TENM2: variants seen among roughly 807,000 people sequenced by gnomAD.
The protein encoded by TENM2 is teneurin-2.
A neutral mutation model predicts 245.2 loss-of-function variants in TENM2; 52 were observed. The observed-to-expected ratio is 0.21, with a 90% CI of 0.17 to 0.27. TENM2 has a LOEUF of 0.27. Ranked by LOEUF, TENM2 falls within the 10% of genes least tolerant of loss-of-function variation. The pLI, the probability that TENM2 is intolerant of heterozygous loss-of-function variation, is 1.00. For missense variants in TENM2, 3,046 were observed against 3,666.8 expected (o/e 0.83, Z 4.37); for synonymous variants, 1,363 against 1,438.9 (o/e 0.95, Z 1.19).
the TENM2 span, among the ~76,000 whole-genome samples, chr5:167,014,216 A>G: frequency 2.7e-4 from 41 of 149,570 alleles, no homozygotes; most frequent in East Asian, 8.1e-3. Context: ...AAAGTTTCAT[A>G]GTGTCAAAGA....
chr5:167,404,223 C>T (rs1762510578), intron 2 of TENM2, among the ~76,000 whole-genome samples: 3 of 121,616 alleles, frequency 2.5e-5, no homozygotes, highest in African/African-American at 7.8e-5. Context: ...CAGAGAGAGG[C>T]ACTGGAGGTG....
At chr5:167,922,324 C>T (rs1777433988) in intron 3 of TENM2, among the ~76,000 whole-genome samples, 1 of 152,174 alleles carries the variant, frequency 6.6e-6, no homozygotes, top group Non-Finnish European at 1.5e-5. Context: ...TCATCAGTAG[C>T]TGGGTCTTGA....
At chr5:167,011,482 G>C in the TENM2 span, among the ~76,000 whole-genome samples, 1 of 152,224 alleles carries the variant, frequency 6.6e-6, no homozygotes, top group African/African-American at 2.4e-5. Context: ...CTTTGAGTTT[G>C]CAAAAGGAGA....
In TENM2 at chr5:167,489,304, C is replaced by T. The variant is rs554568600; in HGVS notation, c.502+113831C>T. On this transcript the variant is annotated intron_variant, in intron 2 of 28. Transcript: ENST00000518659. Reference sequence around the variant, plus strand: ...CTCTACTGACCTTTCACTCTTCTTTCCCATTCCTTCTGTGATGTAGTATAC... The same window carrying T: ...CTCTACTGACCTTTCACTCTTCTTTTCCATTCCTTCTGTGATGTAGTATAC... Among the ~76,000 whole-genome samples the T allele has an allele frequency of 9.9e-5, 15 of 152,268 alleles. No homozygotes were observed. The South Asian group carries it at 3.1e-3, about 32-fold the overall frequency.
At chr5:167,959,166 G>A (rs1261037545) in intron 4 of TENM2, among the ~76,000 whole-genome samples, 1 of 151,210 alleles carries the variant, frequency 6.6e-6, no homozygotes, top group Non-Finnish European at 1.5e-5. Context: ...TTTCTTGGAG[G>A]CTTAGTTCAT....
upstream of TENM2, among the ~76,000 whole-genome samples, chr5:167,283,517 C>G (rs1771172656): frequency 2.6e-5 from 4 of 152,312 alleles, no homozygotes; most frequent in South Asian, 8.3e-4. Flanking sequence ...AGGCAAATGT[C>G]ATCCACATTG....
chr5:167,553,385 C>T (rs1334353024), intron 2 of TENM2, among the ~76,000 whole-genome samples: 9 of 152,104 alleles, frequency 5.9e-5, no homozygotes, highest in East Asian at 1.9e-4. Context: ...CAGTAAATAG[C>T]GCTGATTTAT....
At chr5:167,061,091 A>AACACACAC in the TENM2 span, among the ~76,000 whole-genome samples, 3 of 149,648 alleles carry the variant, frequency 2.0e-5, no homozygotes, top group South Asian at 2.1e-4. Flanking sequence ...CTCTCTCCAA[A>AACACACAC]ACACACACAC....
At chr5:167,974,657 A>G (rs1004135610) in intron 4 of TENM2, among the ~76,000 whole-genome samples, 1 of 152,194 alleles carries the variant, frequency 6.6e-6, no homozygotes, top group African/African-American at 2.4e-5. Context: ...TCATATGAGG[A>G]AACGAAGATG....
intron 3 of TENM2, among the ~76,000 whole-genome samples, chr5:167,939,622 A>T (rs1370189576): frequency 6.6e-6 from 1 of 152,236 alleles, no homozygotes; most frequent in Admixed American, 6.5e-5. Context: ...AGAAGGGAGC[A>T]ACCATAAAAC....
the TENM2 span, among the ~76,000 whole-genome samples, chr5:167,164,535 G>T: frequency 1.3e-5 from 2 of 152,174 alleles, no homozygotes; most frequent in African/African-American, 4.8e-5. Context: ...TTAGGAATAT[G>T]AGGGTAAGCA....
At chr5:168,179,713 TACC>T (rs1435026458) in intron 13 of TENM2, among the ~76,000 whole-genome samples, 21 of 152,210 alleles carry the variant, frequency 1.4e-4, no homozygotes, top group Admixed American at 1.4e-3. Flanking sequence ...AACCCAGTCC[TACC>T]ACTTAAAAAC....
At chr5:167,247,822 T>G in the TENM2 span, among the ~76,000 whole-genome samples, 2 of 152,160 alleles carry the variant, frequency 1.3e-5, no homozygotes, top group Admixed American at 1.3e-4. Context: ...GAACCTCTAA[T>G]GGATTTTTTT....
chr5:167,153,781 C>T, the TENM2 span, among the ~76,000 whole-genome samples: 3 of 151,320 alleles, frequency 2.0e-5, no homozygotes, highest in South Asian at 2.1e-4. Context: ...TTTAACCTTC[C>T]CAGTTAATAA....
chr5:167,253,389 C>G, the TENM2 span, among the ~76,000 whole-genome samples: 1 of 151,800 alleles, frequency 6.6e-6, no homozygotes, highest in Admixed American at 6.6e-5. Flanking sequence ...AGAGCCACTG[C>G]CCCTGACTTG....
At chr5:168,250,104 G>GTGGA (rs57452450) in intron 27 of TENM2, among the ~76,000 whole-genome samples, 464 of 137,866 alleles carry the variant, frequency 3.4e-3, no homozygotes, top group Admixed American at 4.6e-3. Flanking sequence ...GGCTGGATGA[G>GTGGA]TGGATGGATG....
At chr5:168,151,901 G>C (rs755486336) in intron 12 of TENM2, among the ~76,000 whole-genome samples, 2 of 152,200 alleles carry the variant, frequency 1.3e-5, no homozygotes, top group African/African-American at 2.4e-5. Context: ...TTTCAATGAT[G>C]ACCAATGATT....
At chr5:168,085,293 TG>T (rs1166030084) in intron 7 of TENM2, 3 of 152,222 alleles carry the variant, frequency 2.0e-5, no homozygotes, top group Non-Finnish European at 4.4e-5. Context: ...ATTCCACCCT[TG>T]TAAGATAAAT....
chr5:167,151,346 G>A, the TENM2 span, among the ~76,000 whole-genome samples: 2 of 152,102 alleles, frequency 1.3e-5, no homozygotes, highest in African/African-American at 4.8e-5. Context: ...GAAATCACTA[G>A]CTGGCCATGG....
Sources: gnomAD v4.1 joint callset for allele counts (sites outside exome capture counted in the v4.1 genomes callset) on GRCh38, gnomAD v4.1.1 for gene constraint, MANE v1.5 for transcripts, NCBI Gene and HGNC (gene_info 2026-07-23, HGNC 2026-07-21) for gene names.